The following DNAAF11 variants were observed in gnomAD, a reference collection of about 807,000 sequenced individuals.
DNAAF11 encodes the protein dynein axonemal assembly factor 11.
In DNAAF11, 45 loss-of-function variants were observed where a neutral mutation model predicts 60.8. That is an observed-to-expected ratio of 0.74 (90% confidence interval 0.58 to 0.95). The LOEUF is 0.95. Ranked by LOEUF, DNAAF11 falls within the 40% of genes least tolerant of loss-of-function variation. The pLI is 0.00. For missense variants in DNAAF11, 546 were observed against 546.2 expected (o/e 1.00, Z 0.00); for synonymous variants, 191 against 183.5 (o/e 1.04, Z -0.33).
chr8:132,595,912 G>A (rs2131118715), intron 10 of DNAAF11, among the ~76,000 whole-genome samples: 1 of 152,298 alleles, frequency 6.6e-6, no homozygotes, highest in Middle Eastern at 3.4e-3. Context: ...GGGAGGTGAT[G>A]GTGGGAGGTG....
intron 10 of DNAAF11, among the ~76,000 whole-genome samples, chr8:132,592,412 G>GT (rs369475930): frequency 6.6e-6 from 1 of 152,292 alleles, no homozygotes; most frequent in African/African-American, 2.4e-5. Flanking sequence ...TTGCACAAAG[G>GT]TAAGAGAGAA....
chr8:132,581,325 T>G (rs373973945), intron 11 of DNAAF11, among the ~76,000 whole-genome samples: 1 of 152,164 alleles, frequency 6.6e-6, no homozygotes, highest in African/African-American at 2.4e-5. Context: ...CAAAATCTTC[T>G]GTTCATCAAA....
At chr8:132,608,212 C>T (rs921927142) in intron 10 of DNAAF11, among the ~76,000 whole-genome samples, 17 of 151,942 alleles carry the variant, frequency 1.1e-4, no homozygotes, top group Non-Finnish European at 2.4e-4. Flanking sequence ...TTACTATCTA[C>T]CTTTTAAAAA....
At chr8:132,675,230 T>G in intron 1 of DNAAF11, 1 of 433,990 alleles carries the variant, frequency 2.3e-6, no homozygotes, top group Non-Finnish European at 4.2e-6. Flanking sequence ...TTTCTGCCTC[T>G]TCCTCCCCTT....
At chr8:132,611,651 T>C (rs1396658325) in intron 8 of DNAAF11, among the ~76,000 whole-genome samples, 1 of 152,158 alleles carries the variant, frequency 6.6e-6, no homozygotes, top group East Asian at 1.9e-4. Flanking sequence ...CAGCTTGCCA[T>C]GCTCTTTCAT....
At chr8:132,652,082 C>T (rs1163086844) in intron 3 of DNAAF11, among the ~76,000 whole-genome samples, 1 of 152,176 alleles carries the variant, frequency 6.6e-6, no homozygotes, top group East Asian at 1.9e-4. Flanking sequence ...GGCTAAAATC[C>T]ACCATGACCT....
intron 7 of DNAAF11, among the ~76,000 whole-genome samples, chr8:132,615,965 G>C (rs1457822647): frequency 6.6e-6 from 1 of 152,066 alleles, no homozygotes; most frequent in African/African-American, 2.4e-5. Context: ...CTGTCTCATT[G>C]CTTTCAATAG....
chr8:132,661,705 T>A, intron 1 of DNAAF11, 78 bp from the exon 2 acceptor site: 1 of 1,468,438 alleles, frequency 6.8e-7, no homozygotes, highest in Non-Finnish European at 9.5e-7. Flanking sequence ...AACGCATTTG[T>A]GTTTTTTTTG....
At chr8:132,602,509 CA>C in intron 10 of DNAAF11, among the ~76,000 whole-genome samples, 1 of 152,114 alleles carries the variant, frequency 6.6e-6, no homozygotes, top group East Asian at 1.9e-4. Context: ...TACTCTACTG[CA>C]ATCCCTATGT....
intron 10 of DNAAF11, among the ~76,000 whole-genome samples, chr8:132,606,792 T>C (rs955726239): frequency 1.6e-4 from 24 of 152,184 alleles, no homozygotes; most frequent in African/African-American, 5.8e-4. Flanking sequence ...GCATGAGCCA[T>C]TGCATCTGGC....
At chr8:132,629,319 A>G (rs1049154511) in intron 5 of DNAAF11, among the ~76,000 whole-genome samples, 22 of 151,980 alleles carry the variant, frequency 1.4e-4, no homozygotes, top group African/African-American at 5.3e-4. Context: ...AAACAAGATA[A>G]CAAGATACAG....
At chr8:132,675,353 T>G (rs1586766128) in intron 1 of DNAAF11, 131 bp downstream of exon 1, 1 of 939,294 alleles carries the variant, frequency 1.1e-6, no homozygotes. Flanking sequence ...GAGGGCCGGG[T>G]GGGGTTAGGG....
At chr8:132,702,123 C>A in the DNAAF11 span, 1 of 152,162 alleles carries the variant, frequency 6.6e-6, no homozygotes, top group Non-Finnish European at 1.5e-5. Context: ...CCAATCTTTT[C>A]TCATGCCACT....
chr8:132,597,420 T>A (rs1817126817), intron 10 of DNAAF11, among the ~76,000 whole-genome samples: 1 of 151,964 alleles, frequency 6.6e-6, no homozygotes, highest in African/African-American at 2.4e-5. Flanking sequence ...TGGATCAAGG[T>A]CAGCTGTGCA....
intron 10 of DNAAF11, among the ~76,000 whole-genome samples, chr8:132,589,438 G>A (rs1266138548): frequency 2.0e-5 from 3 of 152,180 alleles, no homozygotes; most frequent in Non-Finnish European, 4.4e-5. Flanking sequence ...CTCAAGAGTA[G>A]TATTTTACAC....
intron 5 of DNAAF11, among the ~76,000 whole-genome samples, chr8:132,629,878 C>T (rs1231750450): frequency 1.3e-5 from 2 of 152,050 alleles, no homozygotes; most frequent in African/African-American, 4.8e-5. Flanking sequence ...TCAGCAAAAC[C>T]AATTACATCT....
chr8:132,576,703 C>T (rs1200749576), intron 11 of DNAAF11, among the ~76,000 whole-genome samples: 1 of 152,140 alleles, frequency 6.6e-6, no homozygotes, highest in Non-Finnish European at 1.5e-5. Context: ...GAATGTTGAA[C>T]TGGTATCATG....
rs1563655417 is a variant in DNAAF11, at chr8:132,632,865, GT to G, written c.527del (p.His176ProfsTer46). 1 of 1,613,716 alleles carries G rather than the reference GT, an allele frequency of 6.2e-7. No homozygotes were observed. Among genetic ancestry groups the G allele is most frequent in the African/African-American group, 1.3e-5 (1 of 75,016 alleles). On this transcript the variant is annotated frameshift_variant, in exon 5 of 12. Coordinates refer to ENST00000620350, the MANE Select transcript of DNAAF11 (RefSeq NM_012472.6). LOFTEE classifies it high-confidence loss of function. ...CCTTGAGTTTGGCTCGTTTAAGACA[GT>G]GATCTTTTTCCTGCTCTCTGATTTG... is the stretch of plus-strand genomic sequence containing the variant. The part of the protein sequence containing the change: ...EPQIREQEKD[H>X]CLKRAKLKEE...
In DNAAF11 at chr8:132,617,577, T is replaced by C. The variant is rs890890953; in HGVS notation, c.915-2480A>G. ...ATGGGGTTTTCTAGATATACAATCA[T>C]GTTGTCTGCAAATTTTCCTAATTGA... On this transcript the variant is annotated intron_variant, in intron 7 of 11. Transcript: ENST00000620350. Among the ~76,000 whole-genome samples, 4 of 152,334 alleles carry C rather than the reference T, an allele frequency of 2.6e-5. No homozygotes were observed. The South Asian group carries it at 8.3e-4, about 32-fold the overall frequency.
Sources: allele counts gnomAD v4.1 joint callset (sites outside exome capture counted in the v4.1 genomes callset), GRCh38; gene constraint gnomAD v4.1.1; transcripts MANE v1.5; gene names NCBI Gene and HGNC (gene_info 2026-07-23, HGNC 2026-07-21).